Variants in ROBO2 observed in about 807,000 individuals in gnomAD.
ROBO2 encodes roundabout guidance receptor 2, also known as roundabout homolog 2.
In ROBO2, 53 loss-of-function variants were observed where a neutral mutation model predicts 160.8. The observed-to-expected ratio is 0.33, with a 90% CI of 0.26 to 0.41. ROBO2 has a LOEUF of 0.41. Among genes scored for constraint, ROBO2 ranks in the 10% least tolerant of loss-of-function variants. ROBO2 has a pLI of 1.00. For synonymous variants in ROBO2, 664 were observed against 611.7 expected (o/e 1.09, Z -1.26); for missense variants, 1,577 against 1,722.4 (o/e 0.92, Z 1.49).
At chr3:76,725,825 C>T (rs2093543363) in intron 2 of ROBO2, among the ~76,000 whole-genome samples, 1 of 152,270 alleles carries the variant, frequency 6.6e-6, no homozygotes, top group South Asian at 2.1e-4. Flanking sequence ...CCTAGAGTAT[C>T]CACAGAGGAG....
intron 2 of ROBO2, among the ~76,000 whole-genome samples, chr3:76,772,799 T>C (rs1161060476): frequency 6.6e-6 from 1 of 151,112 alleles, no homozygotes; most frequent in African/African-American, 2.4e-5. Flanking sequence ...TCCATTTTCA[T>C]TAGTGGGAAT....
At chr3:77,528,160 CTTAAGT>C (rs894380355) in intron 6 of ROBO2, among the ~76,000 whole-genome samples, 16 of 151,716 alleles carry the variant, frequency 1.1e-4, no homozygotes, top group African/African-American at 3.9e-4. Context: ...CTCTTTTAAG[CTTAAGT>C]TTAATTCACC....
chr3:76,537,988 G>A (rs1468128273), intron 2 of ROBO2, among the ~76,000 whole-genome samples: 4 of 149,636 alleles, frequency 2.7e-5, no homozygotes, highest in Non-Finnish European at 5.9e-5. Context: ...GTGGTGGAAG[G>A]TCATATGGAG....
At chr3:76,442,313 C>T (rs938547471) in intron 2 of ROBO2, among the ~76,000 whole-genome samples, 1 of 152,144 alleles carries the variant, frequency 6.6e-6, no homozygotes, top group Non-Finnish European at 1.5e-5. Flanking sequence ...TAATTTAATC[C>T]TAATTTAATC....
chr3:76,334,249 T>C (rs562970587), intron 2 of ROBO2, among the ~76,000 whole-genome samples: 1 of 152,306 alleles, frequency 6.6e-6, no homozygotes, highest in East Asian at 1.9e-4. Context: ...TGTTTAATCA[T>C]TTTTTATTGT....
rs192609882 is a variant in ROBO2, at chr3:77,032,412, T to G, written c.110-65602T>G. On this transcript the variant is annotated intron_variant, in intron 2 of 26. Transcript: ENST00000487694. ...CTTCATGAGAATTTAATAAGACAAT[T>G]AATTTAAAAGGTATATTGCAGTGCT... 4.4e-3 allele frequency among the ~76,000 whole-genome samples: 674 copies of G among 152,296 alleles called. 3 individuals carry two copies. Among genetic ancestry groups the G allele is most frequent in the African/African-American group, 0.015 (635 of 41,556 alleles).
chr3:77,393,511 A>T (rs1430551761), intron 2 of ROBO2, among the ~76,000 whole-genome samples: 1 of 142,924 alleles, frequency 7.0e-6, no homozygotes, highest in African/African-American at 2.5e-5. Context: ...GCACAGAGTA[A>T]GTTACTTATA....
rs547741335 is a variant in ROBO2, at chr3:77,034,520, A to G, written c.110-63494A>G. On this transcript the variant is annotated intron_variant, in intron 2 of 26. Coordinates refer to the ROBO2 transcript ENST00000487694. ...ACAGATTAGTTCTTCTACAGGATAA[A>G]ACCATAGACAGTTCAATTAGATTAC... Among the ~76,000 whole-genome samples the G allele has an allele frequency of 4.8e-4, 73 of 152,048 alleles. 1 individual carries two copies. The highest frequency in any genetic ancestry group is 3.9e-3 in the South Asian group (19 of 4,826).
At chr3:76,753,069 T>A (rs2060769940) in intron 2 of ROBO2, among the ~76,000 whole-genome samples, 1 of 151,888 alleles carries the variant, frequency 6.6e-6, no homozygotes, top group Admixed American at 6.6e-5. Context: ...ATGCAAAACA[T>A]ACGTACACAC....
intron 2 of ROBO2, among the ~76,000 whole-genome samples, chr3:76,717,585 A>C (rs1251607289): frequency 6.6e-6 from 1 of 152,142 alleles, no homozygotes; most frequent in African/African-American, 2.4e-5. Context: ...TGCACCACGG[A>C]ATATCAGCTG....
chr3:75,949,506 T>C (rs72888479), intron 2 of ROBO2, among the ~76,000 whole-genome samples: 2 of 152,220 alleles, frequency 1.3e-5, no homozygotes, highest in South Asian at 2.1e-4. Flanking sequence ...AGCTGACTTT[T>C]GCCTTTACAT....
At chr3:76,581,044 G>A (rs2085670109) in intron 2 of ROBO2, among the ~76,000 whole-genome samples, 1 of 152,144 alleles carries the variant, frequency 6.6e-6, no homozygotes, top group Admixed American at 6.5e-5. Flanking sequence ...TTCAAAATAT[G>A]TAGCTCATAA....
intron 2 of ROBO2, among the ~76,000 whole-genome samples, chr3:76,290,041 A>G (rs1353089085): frequency 6.6e-6 from 1 of 151,978 alleles, no homozygotes; most frequent in Non-Finnish European, 1.5e-5. Flanking sequence ...ACTGTCATTC[A>G]TGGTTTGATA....
rs185389491 is a variant in ROBO2, at chr3:77,426,093, C to T, written c.389-51321C>T. ...AGGTTGGATTGGGAGGGAGCAAGAA[C>T]GAAGCAGGAATGTCACGTTAAAGGT... is the stretch of plus-strand genomic sequence containing the variant. On this transcript the variant is annotated intron_variant, in intron 2 of 25. Transcript: ENST00000461745. Among the ~76,000 whole-genome samples the T allele has an allele frequency of 1.2e-4, 19 of 152,096 alleles. No individual in the cohort carries two copies. In the South Asian group the frequency reaches 2.3e-3, roughly 18 times the overall value.
chr3:76,621,577 T>C (rs2089084540), intron 2 of ROBO2, among the ~76,000 whole-genome samples: 1 of 152,178 alleles, frequency 6.6e-6, no homozygotes, highest in Non-Finnish European at 1.5e-5. Context: ...CTTGGACAAA[T>C]TCTTAACTTT....
chr3:76,132,417 G>A (rs2071266024), intron 2 of ROBO2, among the ~76,000 whole-genome samples: 1 of 134,212 alleles, frequency 7.5e-6, no homozygotes, highest in African/African-American at 2.7e-5. Flanking sequence ...GGACGCAGAT[G>A]TTCAGCATAA....
At chr3:77,064,965 A>G (rs532568926) in intron 1 of ROBO2, among the ~76,000 whole-genome samples, 2 of 152,272 alleles carry the variant, frequency 1.3e-5, no homozygotes, top group Non-Finnish European at 2.9e-5. Context: ...GGGTTTTTGG[A>G]AACTGATCAG....
intron 2 of ROBO2, among the ~76,000 whole-genome samples, chr3:76,377,821 A>G (rs935002726): frequency 2.0e-5 from 3 of 152,194 alleles, no homozygotes; most frequent in African/African-American, 4.8e-5. Flanking sequence ...TGCTGCTACT[A>G]TGACTCCAAG....
intron 2 of ROBO2, among the ~76,000 whole-genome samples, chr3:77,274,715 G>A (rs71322787): frequency 0.051 from 7,778 of 152,062 alleles, 224 homozygotes; most frequent in Admixed American, 0.083. Context: ...AAACATTATC[G>A]TATACTTTGT....
Sources: allele counts gnomAD v4.1 joint callset (sites outside exome capture counted in the v4.1 genomes callset), GRCh38; gene constraint gnomAD v4.1.1; transcripts MANE v1.5; gene names NCBI Gene and HGNC (gene_info 2026-07-23, HGNC 2026-07-21).